Variants in MYO5B observed in about 807,000 individuals in gnomAD.
MYO5B encodes the protein unconventional myosin-Vb.
MYO5B carries 143 observed loss-of-function variants against 229.3 expected under a neutral mutation model. That is an observed-to-expected ratio of 0.62 (90% CI 0.54 to 0.72). The LOEUF (loss-of-function observed/expected upper bound fraction) is 0.72. Ranked by LOEUF, MYO5B falls within the 30% of genes least tolerant of loss-of-function variation. The pLI is 0.00. For synonymous variants in MYO5B, 918 were observed against 885.2 expected (o/e 1.04, Z -0.66); for missense variants, 2,321 against 2,331.0 (o/e 1.00, Z 0.09).
intron 1 of MYO5B, among the ~76,000 whole-genome samples, chr18:50,163,633 T>A (rs1226296912): frequency 6.6e-6 from 1 of 152,148 alleles, no homozygotes; most frequent in East Asian, 1.9e-4. Flanking sequence ...CCTGATAGCG[T>A]CCATGAGCAA....
intron 22 of MYO5B, among the ~76,000 whole-genome samples, chr18:49,887,426 C>T (rs2024656159): frequency 6.6e-6 from 1 of 151,744 alleles, no homozygotes; most frequent in Non-Finnish European, 1.5e-5. Flanking sequence ...TTTTCATTGC[C>T]CTAGCGTGAA....
chr18:49,924,640 C>G lies in MYO5B; in HGVS notation c.2090+4872G>C, dbSNP rs2025109995. ...GGATCCTGCTTCACCCCTTCCTCCT[C>G]TGATAAACCTTTGCTGGGATGGTAA... On this transcript the variant is annotated intron_variant, in intron 17 of 39. Coordinates refer to ENST00000285039, the MANE Select transcript of MYO5B (RefSeq NM_001080467.3). 1.3e-5 allele frequency among the ~76,000 whole-genome samples: 2 copies of G among 152,168 alleles called. 1 individual carries two copies. Among genetic ancestry groups the G allele is most frequent in the South Asian group, 4.1e-4 (2 of 4,828 alleles).
intron 17 of MYO5B, among the ~76,000 whole-genome samples, chr18:49,923,441 T>C (rs1230548916): frequency 1.3e-5 from 2 of 152,292 alleles, no homozygotes; most frequent in Admixed American, 6.5e-5. Flanking sequence ...TCATTCTACA[T>C]AGAACCCATG....
At chr18:50,183,644 C>A (rs1036422599) in intron 1 of MYO5B, among the ~76,000 whole-genome samples, 1 of 151,740 alleles carries the variant, frequency 6.6e-6, no homozygotes, top group African/African-American at 2.4e-5. Flanking sequence ...TCAGAAATAC[C>A]CAATTTTAAG....
chr18:50,071,241 C>A (rs1250845726), intron 1 of MYO5B, among the ~76,000 whole-genome samples: 1 of 152,216 alleles, frequency 6.6e-6, no homozygotes, highest in Admixed American at 6.5e-5. Flanking sequence ...TAAGGACCAG[C>A]ATAAACATTA....
chr18:50,021,468 G>C (rs2026273864), intron 4 of MYO5B, among the ~76,000 whole-genome samples: 2 of 152,280 alleles, frequency 1.3e-5, no homozygotes, highest in Admixed American at 1.3e-4. Flanking sequence ...TATAATAAAG[G>C]CTGCCCTTCC....
At chr18:50,022,157 A>C (rs2026282639) in intron 4 of MYO5B, among the ~76,000 whole-genome samples, 1 of 142,518 alleles carries the variant, frequency 7.0e-6, no homozygotes, top group Non-Finnish European at 1.5e-5. Flanking sequence ...TTCCCAAGCC[A>C]AAAACCCAGA....
chr18:49,864,678 T>C (rs976088199), intron 27 of MYO5B, among the ~76,000 whole-genome samples: 1 of 152,244 alleles, frequency 6.6e-6, no homozygotes, highest in Non-Finnish European at 1.5e-5. Context: ...CTCCTCCTTG[T>C]GGAAATGCTG....
chr18:49,907,985 G>C (rs1189325689), intron 18 of MYO5B, among the ~76,000 whole-genome samples: 1 of 152,186 alleles, frequency 6.6e-6, no homozygotes, highest in Non-Finnish European at 1.5e-5. Flanking sequence ...CCCTGCTTGG[G>C]GAGGCTCCAT....
At chr18:49,953,488 C>G (rs2025451657) in intron 13 of MYO5B, 145 bp from the exon 14 acceptor site, 2 of 725,568 alleles carry the variant, frequency 2.8e-6, no homozygotes, top group Non-Finnish European at 5.0e-6. Context: ...AAATGCAAAC[C>G]CAATAAATGG....
intron 1 of MYO5B, among the ~76,000 whole-genome samples, chr18:50,127,662 G>C (rs764393547): frequency 1.6e-4 from 25 of 152,254 alleles, no homozygotes; most frequent in Admixed American, 5.2e-4. Flanking sequence ...GATTTAGGTG[G>C]GGCTTTAAAG....
At chr18:50,159,145 C>G (rs17740349) in intron 1 of MYO5B, among the ~76,000 whole-genome samples, 11,085 of 152,146 alleles carry the variant, frequency 0.073, 470 homozygotes, top group East Asian at 0.19. Context: ...ATAAACAGAC[C>G]TAGTTGAGAA....
rs748389907 is a variant in MYO5B, at chr18:49,954,286, A to T, written c.1668+27T>A. The T allele has an allele frequency of 1.5e-5, 24 of 1,613,254 alleles. No homozygotes were observed. The South Asian group carries it at 2.5e-4, about 17-fold the overall frequency. On this transcript the variant is annotated intron_variant, in intron 13 of 39. Transcript: ENST00000285039. Reference sequence around the variant, plus strand: ...CTACTTAGAGAGGGGCCAAGGGAATACCCGAGCCAACAGAGAGGAGAGCCA... The same window carrying T: ...CTACTTAGAGAGGGGCCAAGGGAATTCCCGAGCCAACAGAGAGGAGAGCCA...
intron 10 of MYO5B, among the ~76,000 whole-genome samples, chr18:49,964,611 CTT>C (rs1486040785): frequency 6.6e-6 from 1 of 152,168 alleles, no homozygotes; most frequent in Non-Finnish European, 1.5e-5. Context: ...TTTTTAAAGT[CTT>C]TGGTTCCTTG....
intron 1 of MYO5B, among the ~76,000 whole-genome samples, chr18:50,129,057 C>T (rs185341175): frequency 3.3e-5 from 5 of 152,306 alleles, no homozygotes; most frequent in East Asian, 3.9e-4. Flanking sequence ...CTGTCAGAGC[C>T]GGCTCAGGAG....
intron 33 of MYO5B, among the ~76,000 whole-genome samples, chr18:49,845,820 T>G (rs114077521): frequency 0.016 from 2,440 of 152,176 alleles, 63 homozygotes; most frequent in African/African-American, 0.055. Flanking sequence ...GGCACAAGAC[T>G]GGAGGGGAGG....
intron 8 of MYO5B, among the ~76,000 whole-genome samples, chr18:49,982,933 T>C (rs1226751621): frequency 6.6e-6 from 1 of 152,174 alleles, no homozygotes; most frequent in Non-Finnish European, 1.5e-5. Flanking sequence ...AATCCTCTCC[T>C]TATATCAGCT....
intron 8 of MYO5B, among the ~76,000 whole-genome samples, chr18:49,981,726 G>T (rs1005628947): frequency 6.6e-6 from 1 of 152,164 alleles, no homozygotes; most frequent in Non-Finnish European, 1.5e-5. Flanking sequence ...CTACTACACA[G>T]GCTGCAAGTA....
rs1215750084 is a variant in MYO5B, at chr18:49,836,789, C to T, written c.5235G>A (p.Gln1745=). ...GGGTTTTCTTCTTTAATTGCAGGAG[C>T]TGGGCTGCTTGGATCAGAGGTTCCA... ...QTMEPLIQAA[Q]LLQLKKKTQE... The change falls in exon 38 of 40, where the codon CAG becomes CAA. Residue 1745 remains glutamine, a synonymous_variant. Transcript: ENST00000285039. 5 of 1,614,200 alleles carry T rather than the reference C, an allele frequency of 3.1e-6. No homozygotes were observed. In the South Asian group the frequency reaches 5.5e-5, roughly 18 times the overall value.
Sources: allele counts gnomAD v4.1 joint callset (sites outside exome capture counted in the v4.1 genomes callset), GRCh38; gene constraint gnomAD v4.1.1; transcripts MANE v1.5; gene names NCBI Gene and HGNC (gene_info 2026-07-23, HGNC 2026-07-21).